UCN3: variants seen among roughly 807,000 people sequenced by gnomAD.
UCN3 encodes the protein urocortin-3.
A neutral mutation model predicts 3.6 loss-of-function variants in UCN3; 3 were observed. That is an observed-to-expected ratio of 0.83 (90% CI 0.38 to 2.15). The LOEUF (loss-of-function observed/expected upper bound fraction) is 2.15, where lower values mean the gene tolerates loss of function less well. Ranked by LOEUF, UCN3 falls within the 30% of genes most tolerant of loss-of-function variation. UCN3 has a pLI of 0.06. For synonymous variants in UCN3, 100 were observed against 93.2 expected (o/e 1.07, Z -0.42); for missense variants, 206 against 208.3 (o/e 0.99, Z 0.07).
chr10:5,370,824 C>CGTGTGTGTGT (rs1564443603), intron 1 of UCN3, among the ~76,000 whole-genome samples: 2 of 82,890 alleles, frequency 2.4e-5, no homozygotes, highest in Admixed American at 1.3e-4. Context: ...CGTGTGTGTG[C>CGTGTGTGTGT]GCGCGTGTGT....
intron 1 of UCN3, among the ~76,000 whole-genome samples, chr10:5,373,123 C>T (rs1320710850): frequency 6.6e-6 from 1 of 152,170 alleles, no homozygotes; most frequent in East Asian, 1.9e-4. Flanking sequence ...ATAAAGTCTA[C>T]AGTAAAACCA....
In UCN3 at chr10:5,374,219, G is replaced by A. The variant is rs781859622; in HGVS notation, c.*13G>A. ...GAGGAAGAAGTAGAGGCGGAGGCTGGACGGGAGGGCAGCGGGGTGGGGAGG... is the reference window on the plus strand; with the variant it reads ...GAGGAAGAAGTAGAGGCGGAGGCTGAACGGGAGGGCAGCGGGGTGGGGAGG... On this transcript the variant is annotated 3_prime_UTR_variant, in exon 2 of 2. Transcript: ENST00000380433. 112 of 1,560,744 alleles carry A rather than the reference G, an allele frequency of 7.2e-5. 1 individual carries two copies. Among genetic ancestry groups the A allele is most frequent in the Admixed American group, 1.0e-4 (6 of 57,780 alleles).
At chr10:5,370,449 G>A (rs1348279258) in intron 1 of UCN3, among the ~76,000 whole-genome samples, 1 of 115,384 alleles carries the variant, frequency 8.7e-6, no homozygotes, top group African/African-American at 3.5e-5. Context: ...GTGTGTATGT[G>A]TGTGTGTATA....
chr10:5,369,875 A>ATG (rs1485838796), intron 1 of UCN3, among the ~76,000 whole-genome samples: 2,049 of 84,214 alleles, frequency 0.024, 396 homozygotes, highest in African/African-American at 0.088. Context: ...GTGTGTGTAT[A>ATG]TGTGTGTGTA....
At chr10:5,371,382 A>T (rs528674410) in intron 1 of UCN3, among the ~76,000 whole-genome samples, 2 of 148,002 alleles carry the variant, frequency 1.4e-5, no homozygotes, top group Admixed American at 1.3e-4. Flanking sequence ...ATGTGGGTGC[A>T]TGTGTATGTG....
chr10:5,369,253 A>G (rs1831297604), intron 1 of UCN3, among the ~76,000 whole-genome samples: 1 of 152,184 alleles, frequency 6.6e-6, no homozygotes, highest in South Asian at 2.1e-4. Flanking sequence ...CTCTGTACAT[A>G]TGTGTATTGT....
In UCN3 at chr10:5,370,836, T is replaced by C. The variant is rs553909030; in HGVS notation, c.-6-2879T>C. On this transcript the variant is annotated intron_variant, in intron 1 of 1. Coordinates refer to ENST00000380433, the MANE Select transcript of UCN3 (RefSeq NM_053049.4). ...GTGCGTGTGTGTGCGCGCGTGTGTG[T>C]GCGCGTGTGTGTGCGCGTGTGTGTG... Among the ~76,000 whole-genome samples the C allele has an allele frequency of 2.3e-3, 237 of 104,006 alleles. 24 individuals are homozygous for C. Among genetic ancestry groups the C allele is most frequent in the East Asian group, 9.9e-3 (29 of 2,936 alleles). 68.2% of individuals were successfully genotyped at this position (104,006 alleles called of 152,430 possible). A position where few individuals can be genotyped will look rare whatever the true frequency, so the allele number is the denominator to read the frequency against.
intron 1 of UCN3, among the ~76,000 whole-genome samples, chr10:5,372,045 G>A (rs1416906490): frequency 3.3e-5 from 5 of 152,324 alleles, no homozygotes; most frequent in South Asian, 4.1e-4. Flanking sequence ...AGCGGGGCCC[G>A]CAGACGGCAG....
chr10:5,374,342 C>A lies in UCN3; in HGVS notation c.*136C>A. ...TGGGATCAGTCAGTTTTACAGGTTG[C>A]TGCACTGCTGAGCCCCTCTGATCTC... is the stretch of plus-strand genomic sequence containing the variant. On this transcript the variant is annotated 3_prime_UTR_variant, in exon 2 of 2. Transcript: ENST00000380433. 1 of 844,534 alleles carries A rather than the reference C, an allele frequency of 1.2e-6. No individual in the cohort carries two copies. Among genetic ancestry groups the A allele is most frequent in the Non-Finnish European group, 1.8e-6 (1 of 551,990 alleles). The allele number at this position is 844,534 out of a possible 1,614,324, so 52.3% of individuals were successfully genotyped here.
rs1834130056 is a variant in UCN3 at position 5,367,767 on chromosome 10, A to G, written c.-7+2537A>G. Among the ~76,000 whole-genome samples, 1 of 152,232 alleles carries G rather than the reference A, an allele frequency of 6.6e-6. No homozygotes were observed. The highest frequency in any genetic ancestry group is 6.5e-5 in the Admixed American group (1 of 15,286). On this transcript the variant is annotated intron_variant, in intron 1 of 1. Transcript: ENST00000380433. This position sits in a 1 kb window ranked among gnomAD's most constrained non-coding sequence, Gnocchi z 4.3. Reference sequence around the variant, plus strand: ...TCAGAAAGTAGTCTGAGTTCTCAGTAATATTTGCAATTATTCTGCAAAGTT... The same window carrying G: ...TCAGAAAGTAGTCTGAGTTCTCAGTGATATTTGCAATTATTCTGCAAAGTT...
In UCN3 at chr10:5,374,489, C is replaced by A; in HGVS notation, c.*283C>A. ...CCCTGTACTCAGCGTCTCCTTCCTC[C>A]CTCCCCACAGCAAGAGGCAAAGTTC... On this transcript the variant is annotated 3_prime_UTR_variant, in exon 2 of 2. Coordinates refer to ENST00000380433, the MANE Select transcript of UCN3 (RefSeq NM_053049.4). 1 of 348,856 alleles carries A rather than the reference C, an allele frequency of 2.9e-6. No homozygotes were observed. The highest frequency in any genetic ancestry group is 5.3e-6 in the Non-Finnish European group (1 of 187,148). 21.6% of individuals were successfully genotyped at this position (348,856 alleles called of 1,614,324 possible). A position where few individuals can be genotyped will look rare whatever the true frequency, so the allele number is the denominator to read the frequency against.
Position 5,374,068 on chromosome 10 carries a change from C to T in UCN3, c.348C>T (p.His116=), listed in dbSNP as rs556266989. Residue 116 remains histidine, a synonymous_variant, in exon 2 of 2, where the codon CAC becomes CAT. Coordinates refer to ENST00000380433, the MANE Select transcript of UCN3 (RefSeq NM_053049.4). ...GCCAGGACACGGCCAAGAGTCCCCA[C>T]CGCACCAAGTTCACCCTGTCCCTCG... ...KPRQDTAKSP[H]RTKFTLSLDV... 8 of 1,613,668 alleles carry T rather than the reference C, an allele frequency of 5.0e-6. No individual in the cohort carries two copies. In the African/African-American group the frequency reaches 5.3e-5, roughly 11 times the overall value.
At chr10:5,371,125 A>G (rs571987160) in intron 1 of UCN3, among the ~76,000 whole-genome samples, 1 of 146,430 alleles carries the variant, frequency 6.8e-6, no homozygotes, top group Non-Finnish European at 1.5e-5. Flanking sequence ...CATGTGAGGT[A>G]TGTATGTGTG....
chr10:5,368,283 T>C (rs782002367), intron 1 of UCN3, among the ~76,000 whole-genome samples: 21 of 152,062 alleles, frequency 1.4e-4, no homozygotes, highest in Non-Finnish European at 2.8e-4. Flanking sequence ...GGATTACAGG[T>C]GTGAGCCACC....
intron 1 of UCN3, among the ~76,000 whole-genome samples, chr10:5,370,794 C>CGTGTGT (rs1396430171): frequency 1.4e-5 from 1 of 70,762 alleles, no homozygotes; most frequent in African/African-American, 6.8e-5. Flanking sequence ...TGTGTGTATG[C>CGTGTGT]GTGTGTATAT....
At chr10:5,370,681 GTGTGTA>G (rs1220712663) in intron 1 of UCN3, among the ~76,000 whole-genome samples, 1 of 97,892 alleles carries the variant, frequency 1.0e-5, no homozygotes, top group Non-Finnish European at 2.2e-5. Context: ...GTGTATGTGT[GTGTGTA>G]TGTGTGTATA....
intron 1 of UCN3, among the ~76,000 whole-genome samples, chr10:5,370,858 TGTGC>T (rs200618846): frequency 7.3e-6 from 1 of 137,610 alleles, no homozygotes; most frequent in Non-Finnish European, 1.5e-5. Context: ...TGCGCGTGTG[TGTGC>T]GTGTGTATGT....
chr10:5,368,479 G>C (rs1324113665), intron 1 of UCN3, among the ~76,000 whole-genome samples: 3 of 152,190 alleles, frequency 2.0e-5, no homozygotes, highest in Non-Finnish European at 4.4e-5. Flanking sequence ...TGCTCTCACA[G>C]AGGAAAATAG....
At chr10:5,370,222 TGTGC>T (rs1202045879) in intron 1 of UCN3, among the ~76,000 whole-genome samples, 32 of 91,862 alleles carry the variant, frequency 3.5e-4, no homozygotes, top group Non-Finnish European at 5.6e-4. Context: ...TGTGTGTGTA[TGTGC>T]GTGTGTGTAT....
Sources: allele counts gnomAD v4.1 joint callset (sites outside exome capture counted in the v4.1 genomes callset), GRCh38; gene constraint gnomAD v4.1.1; non-coding constraint Gnocchi (gnomAD v3.1); transcripts MANE v1.5; gene names NCBI Gene and HGNC (gene_info 2026-07-23, HGNC 2026-07-21).